Variants in CACNA1E observed in about 807,000 individuals in gnomAD.
The protein encoded by CACNA1E is voltage-dependent R-type calcium channel subunit alpha-1E.
Under a neutral mutation model 259.2 loss-of-function variants are expected in CACNA1E, and 40 were observed. The ratio of observed to expected loss-of-function variants is 0.15; its 90% CI spans 0.12 to 0.20. The LOEUF is 0.20. Ranked by LOEUF, CACNA1E falls within the 10% of genes least tolerant of loss-of-function variation. CACNA1E has a pLI of 1.00. For synonymous variants in CACNA1E, 1,104 were observed against 1,138.5 expected (o/e 0.97, Z 0.61); for missense variants, 1,874 against 3,040.1 (o/e 0.62, Z 9.02).
intron 12 of CACNA1E, 81 bp from the exon 13 acceptor site, chr1:181,719,670 G>T: frequency 1.5e-6 from 1 of 670,556 alleles, no homozygotes; most frequent in Non-Finnish European, 2.6e-6. Flanking sequence ...ACTGAGAGCT[G>T]TTGATGGTGT....
At chr1:181,391,412 A>C (rs145328707) in intron 1 of CACNA1E, among the ~76,000 whole-genome samples, 1 of 152,342 alleles carries the variant, frequency 6.6e-6, no homozygotes, top group East Asian at 1.9e-4. Context: ...TAGAGATGGA[A>C]GGCAACCCAG....
chr1:181,732,744 G>T lies in CACNA1E; in HGVS notation c.2658G>T (p.Arg886Ser). 1.3e-6 allele frequency: 2 copies of T among 1,562,312 alleles called. No individual in the cohort carries two copies. Among genetic ancestry groups the T allele is most frequent in the Non-Finnish European group, 1.7e-6 (2 of 1,154,476 alleles). The stretch of plus-strand genomic sequence containing the variant: ...AGCGGGAGCCACCATGGCTGGCCAG[G>T]CCCTGTCATGGAAACTGTGACCCGA... ...LGQREPPWLA[R>S]PCHGNCDPTQ... Residue 886 changes from arginine to serine, a missense_variant, in exon 20 of 48, where the codon AGG becomes AGT. Physicochemically the swap from Arg to Ser is moderately radical, Grantham distance 110. This residue lies in a region of CACNA1E where 476 missense variants were observed against 514.0 expected (regional missense o/e 0.93). Transcript: ENST00000367573. The surrounding 1 kb of genome is among the most constrained non-coding windows in gnomAD (Gnocchi z 5.5).
chr1:181,551,027 G>T (rs1201396636), intron 3 of CACNA1E, among the ~76,000 whole-genome samples: 2 of 152,214 alleles, frequency 1.3e-5, no homozygotes, highest in Non-Finnish European at 2.9e-5. Context: ...GGCTTTTGGA[G>T]GGGTGGGGAA....
rs796531775 is a variant in CACNA1E at position 181,667,842 on chromosome 1, CT to C, written c.1055+16413del. Among the ~76,000 whole-genome samples the C allele has an allele frequency of 7.2e-3, 1,037 of 144,076 alleles. 11 individuals carry two copies. Among genetic ancestry groups the C allele is most frequent in the African/African-American group, 0.021 (824 of 39,714 alleles). The allele number at this position is 144,076 out of a possible 152,430, so 94.5% of individuals were successfully genotyped here. A position where few individuals can be genotyped will look rare whatever the true frequency, so the allele number is the denominator to read the frequency against. ...CTGGCAATGTGGAGGACGTGTCTGT[CT>C]TTTTTTTTTTTAACTTTTTTTTTGA... On this transcript the variant is annotated intron_variant, in intron 7 of 47. Coordinates refer to ENST00000367573, the MANE Select transcript of CACNA1E (RefSeq NM_001205293.3).
chr1:181,511,600 G>T, intron 3 of CACNA1E, 90 bp downstream of exon 3: 2 of 1,444,216 alleles, frequency 1.4e-6, no homozygotes, highest in Non-Finnish European at 1.9e-6. Flanking sequence ...GGGGTGGAAA[G>T]ACAGCAATCT....
At chr1:181,558,276 T>C (rs1275457442) in intron 3 of CACNA1E, among the ~76,000 whole-genome samples, 2 of 152,198 alleles carry the variant, frequency 1.3e-5, no homozygotes, top group Non-Finnish European at 2.9e-5. Flanking sequence ...GAGTTTGGGC[T>C]TGATTTTCTA....
At chr1:181,407,818 G>A (rs919963863) in intron 1 of CACNA1E, among the ~76,000 whole-genome samples, 1 of 152,178 alleles carries the variant, frequency 6.6e-6, no homozygotes, top group African/African-American at 2.4e-5. Flanking sequence ...CCATTTTACT[G>A]TATCAGTTCT....
At chr1:181,326,940 G>T (rs1002729957) in intron 1 of CACNA1E, among the ~76,000 whole-genome samples, 8 of 152,070 alleles carry the variant, frequency 5.3e-5, no homozygotes, top group African/African-American at 1.9e-4. Flanking sequence ...CCCACCCCAC[G>T]TGGGCCTGGC....
rs776525062 is a variant in CACNA1E at position 181,785,796 on chromosome 1, C to T, written c.5763C>T (p.Leu1921=). 6.2e-7 allele frequency: 1 copy of T among 1,609,356 alleles called. No homozygotes were observed. The stretch of plus-strand genomic sequence containing the variant: ...CTAATGCCAAAGCCCTGCCTTACCT[C>T]CAGCAGGACCCCGTTTCAGGCCTGT... The part of the protein sequence containing the change: ...IIANAKALPY[L]QQDPVSGLSG... The change falls in exon 43 of 48, where the codon CTC becomes CTT. Residue 1921 remains leucine, a synonymous_variant. Coordinates refer to ENST00000367573, the MANE Select transcript of CACNA1E (RefSeq NM_001205293.3).
At chr1:181,615,111 G>T (rs1015406336) in intron 6 of CACNA1E, among the ~76,000 whole-genome samples, 1 of 152,082 alleles carries the variant, frequency 6.6e-6, no homozygotes. Flanking sequence ...ATTCATGCAG[G>T]TAATATAGTC....
Position 181,721,704 on chromosome 1 carries a change from C to G in CACNA1E, c.1957-54C>G. On this transcript the variant is annotated intron_variant, in intron 15 of 47. Coordinates refer to ENST00000367573, the MANE Select transcript of CACNA1E (RefSeq NM_001205293.3). ...CCAGAATTTGCCCTTGGCATTGGCC[C>G]CATTTTCTCCTCCAGCCCAGGTTTC... 2.6e-6 allele frequency: 3 copies of G among 1,169,910 alleles called. 1 individual carries two copies. The highest frequency in any genetic ancestry group is 2.6e-6 in the Non-Finnish European group (2 of 781,798). 72.5% of individuals were successfully genotyped at this position (1,169,910 alleles called of 1,614,324 possible). A position where few individuals can be genotyped will look rare whatever the true frequency, so the allele number is the denominator to read the frequency against.
intron 7 of CACNA1E, among the ~76,000 whole-genome samples, chr1:181,710,492 C>T (rs941418172): frequency 5.9e-5 from 9 of 152,038 alleles, no homozygotes; most frequent in East Asian, 1.9e-4. Flanking sequence ...ATAGGATGGT[C>T]GTGAGGATGA....
intron 7 of CACNA1E, among the ~76,000 whole-genome samples, chr1:181,673,440 G>A (rs1649020013): frequency 3.3e-5 from 5 of 152,222 alleles, no homozygotes; most frequent in African/African-American, 1.2e-4. Context: ...ACCCAGAGGT[G>A]GCCCGAGGGG....
intron 3 of CACNA1E, among the ~76,000 whole-genome samples, chr1:181,520,654 C>T (rs1317313655): frequency 2.0e-5 from 3 of 152,110 alleles, no homozygotes; most frequent in African/African-American, 2.4e-5. Context: ...TACTACATAT[C>T]GCACATAGGA....
At chr1:181,793,934 C>A in intron 45 of CACNA1E, 141 bp downstream of exon 45, 1 of 898,834 alleles carries the variant, frequency 1.1e-6, no homozygotes, top group Non-Finnish European at 1.6e-6. Flanking sequence ...CATGGGTCGT[C>A]TCTAATAGAG....
intron 27 of CACNA1E, among the ~76,000 whole-genome samples, chr1:181,753,119 A>G (rs1572800166): frequency 1.3e-5 from 2 of 152,322 alleles, no homozygotes; most frequent in East Asian, 3.9e-4. Flanking sequence ...TGCTCAGGCC[A>G]CATAGCCAGT....
intron 1 of CACNA1E, among the ~76,000 whole-genome samples, chr1:181,490,141 G>A (rs750783462): frequency 1.1e-4 from 16 of 152,154 alleles, no homozygotes; most frequent in East Asian, 1.9e-4. Flanking sequence ...AGCTTGACGA[G>A]CCCCAGTGTC....
chr1:181,719,626 G>T, intron 12 of CACNA1E, 125 bp from the exon 13 acceptor site: 1 of 540,108 alleles, frequency 1.9e-6, no homozygotes, highest in Non-Finnish European at 3.4e-6. Context: ...GGTAGGGCTG[G>T]TGGGAGAGGA....
At chr1:181,612,124 C>T (rs1654804363) in intron 6 of CACNA1E, among the ~76,000 whole-genome samples, 1 of 152,144 alleles carries the variant, frequency 6.6e-6, no homozygotes, top group Non-Finnish European at 1.5e-5. Context: ...CATGGCCTGG[C>T]CACCTATGGA....
Sources: gnomAD v4.1 joint callset for allele counts (sites outside exome capture counted in the v4.1 genomes callset) on GRCh38, gnomAD v4.1.1 for gene constraint, gnomAD v4.1.1 regional missense constraint, Gnocchi (gnomAD v3.1) non-coding constraint, MANE v1.5 for transcripts, NCBI Gene and HGNC (gene_info 2026-07-23, HGNC 2026-07-21) for gene names.